The following CCDC178 variants were observed in gnomAD, a reference collection of about 807,000 sequenced individuals.
CCDC178 encodes coiled-coil domain containing 178.
Under a neutral mutation model 117.4 loss-of-function variants are expected in CCDC178, and 126 were observed. The ratio of observed to expected loss-of-function variants is 1.07; its 90% CI spans 0.93 to 1.24. The LOEUF (loss-of-function observed/expected upper bound fraction) is 1.24. CCDC178 is among the 50% of genes most tolerant of loss of function. The pLI is 0.00. For missense variants in CCDC178, 1,030 were observed against 986.9 expected (o/e 1.04, Z -0.59); for synonymous variants, 283 against 313.4 (o/e 0.90, Z 1.02).
intron 20 of CCDC178, among the ~76,000 whole-genome samples, chr18:33,202,423 A>G (rs1307795603): frequency 4.5e-5 from 5 of 112,038 alleles, no homozygotes; most frequent in Non-Finnish European, 1.9e-5. Context: ...AAAAAAAAAA[A>G]GGATCTACTA....
intron 20 of CCDC178, among the ~76,000 whole-genome samples, chr18:33,202,962 T>C (rs577013823): frequency 2.0e-5 from 3 of 152,344 alleles, no homozygotes; most frequent in African/African-American, 4.8e-5. Context: ...ATATTTTTAA[T>C]GTTGAATAGT....
intron 12 of CCDC178, among the ~76,000 whole-genome samples, chr18:33,274,995 T>C (rs911065829): frequency 6.6e-6 from 1 of 152,062 alleles, no homozygotes; most frequent in Non-Finnish European, 1.5e-5. Context: ...CTAATATAAA[T>C]GATAATAAAT....
intron 15 of CCDC178, among the ~76,000 whole-genome samples, chr18:33,228,037 CA>C (rs2059328293): frequency 1.3e-5 from 2 of 151,998 alleles, no homozygotes; most frequent in South Asian, 4.1e-4. Context: ...TATCATATTC[CA>C]AAATAGCTCG....
chr18:33,158,338 T>A (rs1250509377), intron 20 of CCDC178, among the ~76,000 whole-genome samples: 1 of 152,148 alleles, frequency 6.6e-6, no homozygotes, highest in South Asian at 2.1e-4. Context: ...AGAAAACGTC[T>A]ACCTTCAATC....
chr18:33,293,391 T>A, intron 11 of CCDC178, 79 bp from the exon 12 acceptor site: 1 of 887,116 alleles, frequency 1.1e-6, no homozygotes, highest in Non-Finnish European at 1.6e-6. Flanking sequence ...CCAGGCTTGG[T>A]GGCTCATGCC....
At chr18:33,315,870 TA>T (rs1012410095) in intron 11 of CCDC178, among the ~76,000 whole-genome samples, 60 of 152,334 alleles carry the variant, frequency 3.9e-4, no homozygotes, top group African/African-American at 1.4e-3. Context: ...AATTTTGTGT[TA>T]AAGATAATAA....
At chr18:33,440,164 G>T (rs1361824193) in intron 1 of CCDC178, 83 bp from the exon 2 acceptor site, 1 of 152,106 alleles carries the variant, frequency 6.6e-6, no homozygotes, top group Non-Finnish European at 1.5e-5. Flanking sequence ...GGCCTTATAA[G>T]CAAAATAAAA....
chr18:33,211,926 A>G lies in CCDC178; in HGVS notation c.2208T>C (p.Ala736=), dbSNP rs2059112917. The change falls in exon 20 of 23, where the codon GCT becomes GCC. Residue 736 remains alanine (A), a synonymous_variant. Transcript: ENST00000383096. ...TATCTTGAAGAGTTTTTTGTCTTACAGCAAGGAGCACTCTAAATCTCTGAT... is the reference window on the plus strand; with the variant it reads ...TATCTTGAAGAGTTTTTTGTCTTACGGCAAGGAGCACTCTAAATCTCTGAT... The part of the protein sequence containing the change: ...EEDQRFRVLL[A]VRQKTLQDTQ... 4 of 1,607,188 alleles carry G rather than the reference A, an allele frequency of 2.5e-6. No individual in the cohort carries two copies. In the African/African-American group the frequency reaches 5.4e-5, roughly 22 times the overall value.
At chr18:32,939,396 T>A (rs1374854094) in intron 22 of CCDC178, among the ~76,000 whole-genome samples, 3 of 151,568 alleles carry the variant, frequency 2.0e-5, no homozygotes, top group Non-Finnish European at 2.9e-5. Context: ...CTGAAAAAAA[T>A]CATCCTACTT....
At chr18:33,119,019 C>A (rs1366882187) in intron 20 of CCDC178, among the ~76,000 whole-genome samples, 2 of 152,088 alleles carry the variant, frequency 1.3e-5, no homozygotes, top group Admixed American at 6.6e-5. Context: ...CTTCCTTACA[C>A]CTTATACAAA....
intron 21 of CCDC178, among the ~76,000 whole-genome samples, chr18:33,011,295 G>A (rs2055857986): frequency 6.6e-6 from 1 of 152,130 alleles, no homozygotes; most frequent in South Asian, 2.1e-4. Context: ...ATTCAGGCAT[G>A]AGAAGTCTTT....
At chr18:33,054,646 C>T (rs1183155971) in intron 21 of CCDC178, among the ~76,000 whole-genome samples, 1 of 152,144 alleles carries the variant, frequency 6.6e-6, no homozygotes, top group East Asian at 1.9e-4. Context: ...ATATATGTAC[C>T]ACATTTTCTT....
chr18:32,990,721 T>G (rs888640006), intron 21 of CCDC178, among the ~76,000 whole-genome samples: 3 of 151,812 alleles, frequency 2.0e-5, no homozygotes, highest in African/African-American at 7.2e-5. Context: ...CAAAACACCA[T>G]GAAAATGAAA....
At chr18:33,275,823 G>A (rs1294374298) in intron 12 of CCDC178, among the ~76,000 whole-genome samples, 1 of 151,868 alleles carries the variant, frequency 6.6e-6, no homozygotes, top group Non-Finnish European at 1.5e-5. Flanking sequence ...ACCTAAAACA[G>A]AGGGATTTCT....
intron 20 of CCDC178, among the ~76,000 whole-genome samples, chr18:33,179,077 AAATATAT>A (rs1463919816): frequency 5.7e-5 from 5 of 88,372 alleles, no homozygotes; most frequent in Admixed American, 3.6e-4. Flanking sequence ...AAAAAAAAAA[AAATATAT>A]ATATATATAT....
intron 12 of CCDC178, among the ~76,000 whole-genome samples, chr18:33,278,083 C>A (rs1317766669): frequency 6.6e-6 from 1 of 151,940 alleles, no homozygotes. Flanking sequence ...ATGTTATTAT[C>A]TCTAATGTCC....
intron 2 of CCDC178, among the ~76,000 whole-genome samples, chr18:33,417,225 T>G (rs2063955353): frequency 6.6e-6 from 1 of 152,112 alleles, no homozygotes; most frequent in South Asian, 2.1e-4. Context: ...CTAAACAAAT[T>G]GTGGTACATC....
chr18:33,264,270 GATAT>G (rs1167886202), intron 14 of CCDC178, among the ~76,000 whole-genome samples: 1 of 151,936 alleles, frequency 6.6e-6, no homozygotes, highest in Non-Finnish European at 1.5e-5. Context: ...AAATGTGATA[GATAT>G]ATATAGTTAC....
intron 22 of CCDC178, among the ~76,000 whole-genome samples, chr18:32,947,426 G>T (rs924961079): frequency 1.3e-5 from 2 of 152,154 alleles, no homozygotes; most frequent in Non-Finnish European, 2.9e-5. Context: ...TCTCATTGTG[G>T]TTTTAATTTG....
Sources: gnomAD v4.1 joint callset for allele counts (sites outside exome capture counted in the v4.1 genomes callset) on GRCh38, gnomAD v4.1.1 for gene constraint, MANE v1.5 for transcripts, NCBI Gene and HGNC (gene_info 2026-07-23, HGNC 2026-07-21) for gene names.